The following MAMLD1 variants were observed in gnomAD, a reference collection of about 807,000 sequenced individuals.
The protein encoded by MAMLD1 is mastermind like domain containing 1.
In MAMLD1, 14 loss-of-function variants were observed where a neutral mutation model predicts 45.0. The observed-to-expected ratio is 0.31, with a 90% CI of 0.21 to 0.49. The LOEUF (loss-of-function observed/expected upper bound fraction) is 0.49. Among genes scored for constraint, MAMLD1 ranks in the 20% least tolerant of loss-of-function variants. The pLI is 0.99. For missense variants in MAMLD1, 543 were observed against 603.6 expected, an observed-to-expected ratio of 0.90 and a Z score of 1.05; for synonymous variants, 254 against 247.8, an observed-to-expected ratio of 1.02 and a Z score of -0.24.
chrX:150,392,758 T>C (rs1172501035), intron 1 of MAMLD1, among the ~76,000 whole-genome samples: 8 of 106,044 alleles, frequency 7.5e-5, no homozygotes, highest in African/African-American at 2.7e-4. Context: ...GAAAAGGCTT[T>C]TCCTGGAGGA....
chrX:150,362,211 C>G (rs967744780), upstream of MAMLD1, among the ~76,000 whole-genome samples: 2 of 111,619 alleles, frequency 1.8e-5, no homozygotes, highest in Admixed American at 1.9e-4. Context: ...CAGCAGCCAC[C>G]CACTGCAGGT....
intron 6 of MAMLD1, chrX:150,504,432 T>G (rs1557408729): frequency 1.3e-6 from 1 of 753,395 alleles, no homozygotes; most frequent in Non-Finnish European, 1.6e-6. Flanking sequence ...AGCCTTGTTC[T>G]CTTTATCCTG....
At chrX:150,445,636 A>AG in intron 2 of MAMLD1, 24 bp downstream of exon 2, 1 of 1,068,673 alleles carries the variant, frequency 9.4e-7, no homozygotes, top group South Asian at 1.9e-5. Flanking sequence ...CCATGGGGGG[A>AG]GGGGGGTATT....
chrX:150,407,872 A>T (rs2034035225), intron 1 of MAMLD1, among the ~76,000 whole-genome samples: 1 of 112,461 alleles, frequency 8.9e-6, no homozygotes, highest in Non-Finnish European at 1.9e-5. Flanking sequence ...AATGTTGGGG[A>T]AAGAGTTTAT....
intron 5 of MAMLD1, among the ~76,000 whole-genome samples, chrX:150,481,152 C>T (rs914327709): frequency 5.3e-5 from 6 of 112,859 alleles, no homozygotes; most frequent in African/African-American, 1.6e-4. Context: ...AAGCTTTGAA[C>T]GATGTGGGAG....
At chrX:150,395,167 T>G (rs1227721323) in intron 1 of MAMLD1, among the ~76,000 whole-genome samples, 1 of 111,866 alleles carries the variant, frequency 8.9e-6, no homozygotes, top group Non-Finnish European at 1.9e-5. Context: ...TTAAATGGCT[T>G]TTCTGCATCT....
chrX:150,453,817 C>T (rs1333150258), intron 2 of MAMLD1, among the ~76,000 whole-genome samples: 3 of 112,331 alleles, frequency 2.7e-5, no homozygotes, highest in African/African-American at 6.5e-5. Context: ...ACTTGCTGCC[C>T]TCCTGCCTGG....
At chrX:150,464,388 A>G (rs2036152743) in intron 3 of MAMLD1, among the ~76,000 whole-genome samples, 1 of 112,087 alleles carries the variant, frequency 8.9e-6, no homozygotes, top group Admixed American at 9.4e-5. Context: ...GTTCCCTGCC[A>G]TTCCCAACCA....
intron 2 of MAMLD1, among the ~76,000 whole-genome samples, chrX:150,455,680 A>G (rs781861876): frequency 9.0e-6 from 1 of 111,699 alleles, no homozygotes; most frequent in Non-Finnish European, 1.9e-5. Flanking sequence ...TAAACAGACC[A>G]TGAGGGCTCA....
At chrX:150,406,159 G>T (rs1873551620) in intron 1 of MAMLD1, among the ~76,000 whole-genome samples, 1 of 111,210 alleles carries the variant, frequency 9.0e-6, no homozygotes, top group African/African-American at 3.3e-5. Flanking sequence ...ATTGAACATG[G>T]TGCTTAGGAC....
chrX:150,474,648 C>T (rs1397491243), intron 5 of MAMLD1, among the ~76,000 whole-genome samples: 1 of 112,103 alleles, frequency 8.9e-6, no homozygotes, highest in African/African-American at 3.2e-5. Context: ...GCCTTGTGGG[C>T]TCCTTTTGCT....
intron 1 of MAMLD1, among the ~76,000 whole-genome samples, chrX:150,429,977 C>T (rs1452298463): frequency 1.9e-5 from 2 of 106,376 alleles, no homozygotes; most frequent in Non-Finnish European, 3.9e-5. Context: ...AGTGAAATGC[C>T]TCTTCATATC....
In MAMLD1 at chrX:150,470,498, G is replaced by A. The variant is rs1557406322; in HGVS notation, c.925G>A (p.Ala309Thr). ...PQWHHAHQLK[A>T]LAASKQGSAT... ...GTGGCATCACGCCCACCAGCTGAAG[G>A]CGTTGGCAGCCAGCAAGCAGGGGTC... Residue 309 changes from alanine to threonine, a missense_variant, in exon 4 of 8, where the codon GCG becomes ACG. By Grantham distance (58) the Ala-to-Thr change is moderately conservative. Coordinates refer to ENST00000370401, the MANE Select transcript of MAMLD1 (RefSeq NM_005491.5). 8.3e-7 allele frequency: 1 copy of A among 1,211,655 alleles called. No individual in the cohort carries two copies.
intron 5 of MAMLD1, among the ~76,000 whole-genome samples, chrX:150,494,350 T>C (rs933130625): frequency 5.4e-5 from 6 of 110,718 alleles, no homozygotes; most frequent in East Asian, 2.9e-4. Context: ...GCCGAGATCA[T>C]ACCACTGCAC....
rs782504632 is a variant in MAMLD1 at position 150,501,819 on chromosome X, C to A, written c.2041-1455C>A. ...TTAAGTTTCTATGTTTCAAAACTTG[C>A]TTATCATATAACATGCTAATGACTA... On this transcript the variant is annotated intron_variant, in intron 5 of 7. Transcript: ENST00000370401. Among the ~76,000 whole-genome samples, 4 of 112,452 alleles carry A rather than the reference C, an allele frequency of 3.6e-5. No individual in the cohort carries two copies. The South Asian group carries it at 1.5e-3, about 42-fold the overall frequency.
intron 1 of MAMLD1, among the ~76,000 whole-genome samples, chrX:150,440,671 G>A (rs2035270801): frequency 9.2e-6 from 1 of 108,238 alleles, no homozygotes; most frequent in Non-Finnish European, 1.9e-5. Context: ...TCCTTTTCAT[G>A]TCTGCAGTCT....
At chrX:150,473,977 C>T (rs970109973) in intron 5 of MAMLD1, among the ~76,000 whole-genome samples, 175 bp downstream of exon 5, 1 of 111,542 alleles carries the variant, frequency 9.0e-6, no homozygotes, top group Non-Finnish European at 1.9e-5. Flanking sequence ...GGAGAAAGAC[C>T]GAACAGTCAA....
chrX:150,376,780 G>C (rs1410884031), intron 1 of MAMLD1, among the ~76,000 whole-genome samples: 3 of 109,355 alleles, frequency 2.7e-5, no homozygotes, highest in Non-Finnish European at 5.7e-5. Context: ...TTGAATATTG[G>C]GGGGTGGTCC....
intron 1 of MAMLD1, among the ~76,000 whole-genome samples, chrX:150,384,811 G>A (rs1798309793): frequency 9.0e-6 from 1 of 111,442 alleles, no homozygotes; most frequent in Admixed American, 9.5e-5. Context: ...AATAAAAATT[G>A]TGTATATTCA....
Sources: allele counts gnomAD v4.1 joint callset (sites outside exome capture counted in the v4.1 genomes callset), GRCh38; gene constraint gnomAD v4.1.1; transcripts MANE v1.5; gene names NCBI Gene and HGNC (gene_info 2026-07-23, HGNC 2026-07-21).